Variants in LMF1 observed in about 807,000 individuals in gnomAD.
LMF1 encodes lipase maturation factor 1, also known as transmembrane protein 112.
A neutral mutation model predicts 60.6 loss-of-function variants in LMF1; 68 were observed. The observed-to-expected ratio is 1.12, with a 90% CI of 0.92 to 1.37. LMF1 has a LOEUF of 1.37. LMF1 is among the 40% of genes most tolerant of loss of function. The pLI is 0.00. For missense variants in LMF1, 948 were observed against 767.2 expected (o/e 1.24, Z -2.78); for synonymous variants, 418 against 324.7 (o/e 1.29, Z -3.09).
chr16:857,752 CA>C lies in LMF1; in HGVS notation c.1530-3047del, dbSNP rs1380632921. 7.4e-4 allele frequency among the ~76,000 whole-genome samples: 8 copies of C among 10,808 alleles called. 1 individual carries two copies. Among genetic ancestry groups the C allele is most frequent in the Non-Finnish European group, 8.2e-4 (5 of 6,068 alleles). The allele number at this position is 10,808 out of a possible 152,430, so 7.1% of individuals were successfully genotyped here. ...TGCGTGGTGTCTCGGGACGGGTGTGCAGTGGTGTCTCGGGACGGGTGTGCGT... is the reference window on the plus strand; with the variant it reads ...TGCGTGGTGTCTCGGGACGGGTGTGCGTGGTGTCTCGGGACGGGTGTGCGT... On this transcript the variant is annotated intron_variant, in intron 10 of 10. Coordinates refer to ENST00000262301, the MANE Select transcript of LMF1 (RefSeq NM_022773.4).
chr16:969,687 G>A (rs753763986), intron 1 of LMF1, among the ~76,000 whole-genome samples: 11 of 152,242 alleles, frequency 7.2e-5, no homozygotes, highest in Non-Finnish European at 1.3e-4. Flanking sequence ...CAGCAGCTCC[G>A]GAGCCCTCTG....
intron 4 of LMF1, among the ~76,000 whole-genome samples, chr16:907,997 C>T (rs1278776936): frequency 6.6e-6 from 1 of 152,222 alleles, no homozygotes; most frequent in African/African-American, 2.4e-5. Flanking sequence ...ATACAACCGC[C>T]TGGCGGCTCC....
chr16:894,791 C>T (rs973485048), intron 4 of LMF1, among the ~76,000 whole-genome samples: 36 of 152,334 alleles, frequency 2.4e-4, no homozygotes, highest in African/African-American at 8.2e-4. Flanking sequence ...CTCCCATCAG[C>T]GAGTGCTCCC....
intron 4 of LMF1, chr16:900,083 C>G (rs892760218): frequency 6.6e-6 from 1 of 152,206 alleles, no homozygotes; most frequent in South Asian, 2.1e-4. Flanking sequence ...CGGCACTCCC[C>G]CGCACCCTTC....
At position 962,488 on chromosome 16, in the gene LMF1, C is replaced by T. The variant is rs2072830550; in HGVS notation, c.194-7822G>A. 6.6e-6 allele frequency among the ~76,000 whole-genome samples: 1 copy of T among 152,184 alleles called. No individual in the cohort carries two copies. The highest frequency in any genetic ancestry group is 1.5e-5 in the Non-Finnish European group (1 of 68,044). On this transcript the variant is annotated intron_variant, in intron 1 of 10. Coordinates refer to ENST00000262301, the MANE Select transcript of LMF1 (RefSeq NM_022773.4). The surrounding 1 kb of genome is among the most constrained non-coding windows in gnomAD (Gnocchi z 4.5). ...CAGAGGGCACACCTGGCAGGCAGAC[C>T]TTGGCCGGGTGATCAGAAAGCCGTG...
At chr16:889,003 C>T (rs113666096) in intron 5 of LMF1, among the ~76,000 whole-genome samples, 7,861 of 152,274 alleles carry the variant, frequency 0.052, 221 homozygotes, top group Middle Eastern at 0.071. Flanking sequence ...GTCCCTCTGC[C>T]GGCTGAGAGC....
rs533932867 is a variant in LMF1, at chr16:862,217, C to T, written c.1529+6727G>A. Among the ~76,000 whole-genome samples, 34 of 151,218 alleles carry T rather than the reference C, an allele frequency of 2.2e-4. No individual in the cohort carries two copies. In the South Asian group the frequency reaches 2.5e-3, roughly 11 times the overall value. ...TTGAGGCAGAGTCTCACTCTGTTGCCGAGGCTGGAGTGCAGTGGCACCATC... is the reference window on the plus strand; with the variant it reads ...TTGAGGCAGAGTCTCACTCTGTTGCTGAGGCTGGAGTGCAGTGGCACCATC... On this transcript the variant is annotated intron_variant, in intron 10 of 10. Coordinates refer to ENST00000262301, the MANE Select transcript of LMF1 (RefSeq NM_022773.4).
chr16:963,327 G>A (rs925163956), intron 1 of LMF1, among the ~76,000 whole-genome samples: 5 of 152,104 alleles, frequency 3.3e-5, no homozygotes, highest in African/African-American at 1.2e-4. Flanking sequence ...TGCAGGGACC[G>A]CACCAGCAGC....
At chr16:973,260 G>T (rs1044861005), upstream of LMF1, among the ~76,000 whole-genome samples, 2 of 152,102 alleles carry the variant, frequency 1.3e-5, no homozygotes, top group Non-Finnish European at 2.9e-5. Flanking sequence ...CAGGAGAATC[G>T]CTTGAACCCG....
intron 10 of LMF1, 126 bp from the exon 11 acceptor site, chr16:854,832 G>A: frequency 1.1e-6 from 1 of 883,836 alleles, no homozygotes; most frequent in South Asian, 1.4e-5. Flanking sequence ...TGCATGAGGA[G>A]CCCCCACCCT....
intron 1 of LMF1, chr16:979,335 CG>C (rs985789027): frequency 2.8e-6 from 1 of 353,838 alleles, no homozygotes; most frequent in African/African-American, 2.1e-5. Context: ...ACCGCCCTCC[CG>C]GGAGTGCACC....
rs144396673 is a variant in LMF1 at position 917,494 on chromosome 16, CCCA to C, written c.515-6418_515-6416del. 3.6e-3 allele frequency among the ~76,000 whole-genome samples: 282 copies of C among 77,804 alleles called. 106 individuals carry two copies. Among genetic ancestry groups the C allele is most frequent in the African/African-American group, 0.027 (230 of 8,628 alleles). 51.0% of individuals were successfully genotyped at this position (77,804 alleles called of 152,430 possible). On this transcript the variant is annotated intron_variant, in intron 3 of 10. Transcript: ENST00000262301. ...CGTGTGCGCTGCGGGCGGGCGCAGG[CCCA>C]CGTGAAGAAATGCCACACGTGTGCG...
intron 10 of LMF1, among the ~76,000 whole-genome samples, chr16:862,912 T>C (rs2069505898): frequency 6.6e-6 from 1 of 152,208 alleles, no homozygotes; most frequent in Non-Finnish European, 1.5e-5. Flanking sequence ...TTCCTTCTCT[T>C]CTATTTTCTG....
At position 854,418 on chromosome 16, in the gene LMF1, G is replaced by A. The variant is rs148683246; in HGVS notation, c.*114C>T. 100 of 1,086,652 alleles carry A rather than the reference G, an allele frequency of 9.2e-5. 1 individual carries two copies. Among genetic ancestry groups the A allele is most frequent in the African/African-American group, 8.3e-4 (53 of 64,156 alleles). 67.3% of individuals were successfully genotyped at this position (1,086,652 alleles called of 1,614,324 possible). On this transcript the variant is annotated 3_prime_UTR_variant, in exon 11 of 11. Transcript: ENST00000262301. ...CCCGTGCTGGGGGCTGGGTCCCACC[G>A]CTCTCCTCTCCACGTCTCTCTTGGC...
At chr16:946,997 A>G (rs1054252733) in intron 2 of LMF1, among the ~76,000 whole-genome samples, 1 of 152,254 alleles carries the variant, frequency 6.6e-6, no homozygotes, top group African/African-American at 2.4e-5. Flanking sequence ...CTGTTGTTTC[A>G]GAGGTCAGCT....
chr16:938,817 A>T (rs1478894181), intron 2 of LMF1, among the ~76,000 whole-genome samples: 4 of 152,258 alleles, frequency 2.6e-5, no homozygotes, highest in African/African-American at 9.6e-5. Context: ...ACTACAGGTA[A>T]GCAATTTAAA....
chr16:947,846 C>T (rs573546313), intron 2 of LMF1, among the ~76,000 whole-genome samples: 247 of 145,134 alleles, frequency 1.7e-3, no homozygotes, highest in African/African-American at 5.4e-3. Context: ...AGTCAGCCAA[C>T]GACAGAGTTA....
At chr16:908,775 T>G (rs549884791) in intron 4 of LMF1, among the ~76,000 whole-genome samples, 42 of 152,062 alleles carry the variant, frequency 2.8e-4, no homozygotes, top group Non-Finnish European at 5.0e-4. Flanking sequence ...CACCCAAGAC[T>G]CCCCACAGCC....
At chr16:950,025 T>C (rs1164651567) in intron 2 of LMF1, among the ~76,000 whole-genome samples, 1 of 117,848 alleles carries the variant, frequency 8.5e-6, no homozygotes, top group Admixed American at 9.0e-5. Context: ...AACGACAGAG[T>C]CAGCCAACGA....
Sources: allele counts gnomAD v4.1 joint callset (sites outside exome capture counted in the v4.1 genomes callset), GRCh38; gene constraint gnomAD v4.1.1; non-coding constraint Gnocchi (gnomAD v3.1); transcripts MANE v1.5; gene names NCBI Gene and HGNC (gene_info 2026-07-23, HGNC 2026-07-21).